PLXNA4: variants seen among roughly 807,000 people sequenced by gnomAD.
The protein encoded by PLXNA4 is plexin-A4.
A neutral mutation model predicts 191.8 loss-of-function variants in PLXNA4; 44 were observed. The observed-to-expected ratio is 0.23, with a 90% CI of 0.18 to 0.29. The LOEUF is 0.29. Ranked by LOEUF, PLXNA4 falls within the 10% of genes least tolerant of loss-of-function variation. The probability of loss-of-function intolerance (pLI) is 1.00; values close to 1 mark genes in which losing one functional copy is unlikely to be tolerated. For missense variants in PLXNA4, 1,800 were observed against 2,488.8 expected (o/e 0.72, Z 5.89); for synonymous variants, 1,082 against 1,009.5 (o/e 1.07, Z -1.36).
At chr7:132,242,044 T>C (rs934235552) in intron 4 of PLXNA4, among the ~76,000 whole-genome samples, 2 of 152,238 alleles carry the variant, frequency 1.3e-5, no homozygotes, top group Non-Finnish European at 2.9e-5. Context: ...ACTTGCTACA[T>C]AGTAGGTATT....
At chr7:132,551,875 C>T (rs188602398) in intron 1 of PLXNA4, among the ~76,000 whole-genome samples, 9 of 152,178 alleles carry the variant, frequency 5.9e-5, no homozygotes, top group Admixed American at 2.6e-4. Context: ...TTTTAAAAAG[C>T]GGTGTCACTC....
chr7:132,175,031 G>T, intron 20 of PLXNA4, 111 bp from the exon 21 acceptor site: 1 of 1,484,946 alleles, frequency 6.7e-7, no homozygotes, highest in South Asian at 1.4e-5. Flanking sequence ...ATGAGCAATG[G>T]ACCACGATGG....
intron 3 of PLXNA4, among the ~76,000 whole-genome samples, chr7:132,456,070 G>GGTGGACAT (rs1480643276): frequency 5.3e-5 from 8 of 151,896 alleles, no homozygotes; most frequent in South Asian, 4.2e-4. Context: ...ATGTATTTCT[G>GGTGGACAT]GTGGACATGT....
At chr7:132,385,091 G>A (rs141114970) in intron 3 of PLXNA4, 2 of 1,551,408 alleles carry the variant, frequency 1.3e-6, no homozygotes, top group African/African-American at 2.7e-5. Context: ...TGTATGGCTG[G>A]GGTCACAGGG....
chr7:132,446,265 T>A (rs1026076878), intron 3 of PLXNA4, among the ~76,000 whole-genome samples: 1 of 152,162 alleles, frequency 6.6e-6, no homozygotes, highest in Non-Finnish European at 1.5e-5. Context: ...AATAACAACA[T>A]ACGAACAACA....
chr7:132,380,517 C>T (rs1804850086), intron 3 of PLXNA4, among the ~76,000 whole-genome samples: 1 of 152,032 alleles, frequency 6.6e-6, no homozygotes, highest in African/African-American at 2.4e-5. Flanking sequence ...CTGGTGTGTT[C>T]CTAAAGTATG....
chr7:132,318,876 AAC>A (rs1802054626), intron 3 of PLXNA4, among the ~76,000 whole-genome samples: 2 of 151,292 alleles, frequency 1.3e-5, no homozygotes, highest in African/African-American at 2.4e-5. Flanking sequence ...GCTGGTCTTT[AAC>A]AAGTGTGGAC....
At chr7:132,349,796 A>C (rs2116795824) in intron 3 of PLXNA4, among the ~76,000 whole-genome samples, 1 of 152,246 alleles carries the variant, frequency 6.6e-6, no homozygotes, top group South Asian at 2.1e-4. Flanking sequence ...AAAAAAAATA[A>C]AACTCCAATT....
intron 3 of PLXNA4, among the ~76,000 whole-genome samples, chr7:132,457,694 C>A (rs1796360681): frequency 6.6e-6 from 1 of 152,084 alleles, no homozygotes; most frequent in Non-Finnish European, 1.5e-5. Flanking sequence ...TCTGGTAGGT[C>A]CTAAATGCAA....
At chr7:132,563,145 TTCCTCCTTCTCCTCC>T (rs1801399049) in intron 1 of PLXNA4, among the ~76,000 whole-genome samples, 2 of 20,306 alleles carry the variant, frequency 9.8e-5, no homozygotes, top group African/African-American at 2.0e-4. Context: ...CCTTCTCCTC[TTCCTCCTTCTCCTCC>T]TCCTCCTTCT....
At chr7:132,137,543 C>T (rs913987343) in intron 30 of PLXNA4, among the ~76,000 whole-genome samples, 1 of 152,226 alleles carries the variant, frequency 6.6e-6, no homozygotes, top group Non-Finnish European at 1.5e-5. Flanking sequence ...TAGTTAACTG[C>T]TAATTGGAAA....
chr7:132,420,888 C>CT (rs1563088926), intron 3 of PLXNA4, among the ~76,000 whole-genome samples: 1 of 152,192 alleles, frequency 6.6e-6, no homozygotes, highest in Non-Finnish European at 1.5e-5. Context: ...TGAGATGTGC[C>CT]TTTCACCTTC....
At chr7:132,136,019 T>C (rs568752852) in intron 30 of PLXNA4, among the ~76,000 whole-genome samples, 1 of 151,876 alleles carries the variant, frequency 6.6e-6, no homozygotes, top group African/African-American at 2.4e-5. Context: ...TTGCTGAGAG[T>C]CTACCCTGTT....
At chr7:132,398,959 C>T (rs1380777950) in intron 3 of PLXNA4, among the ~76,000 whole-genome samples, 2 of 152,170 alleles carry the variant, frequency 1.3e-5, no homozygotes, top group East Asian at 3.9e-4. Context: ...GCCTTTGTGG[C>T]TGCCACCTCC....
chr7:132,505,380 T>C (rs778067882), intron 2 of PLXNA4, among the ~76,000 whole-genome samples: 12 of 152,190 alleles, frequency 7.9e-5, no homozygotes, highest in Non-Finnish European at 1.6e-4. Flanking sequence ...TGCAGCTGAT[T>C]TTTCTCCCAA....
chr7:132,213,302 G>A (rs967537701), intron 9 of PLXNA4, among the ~76,000 whole-genome samples: 2 of 152,210 alleles, frequency 1.3e-5, no homozygotes, highest in African/African-American at 4.8e-5. Context: ...GGTGACAGCT[G>A]TACAACAATG....
chr7:132,144,871 C>T (rs1795372451), intron 29 of PLXNA4, among the ~76,000 whole-genome samples: 1 of 152,120 alleles, frequency 6.6e-6, no homozygotes, highest in South Asian at 2.1e-4. Flanking sequence ...TGTTTGTTAA[C>T]TGACTAAGTG....
At chr7:132,240,958 G>T in intron 5 of PLXNA4, 108 bp downstream of exon 5, 1 of 666,250 alleles carries the variant, frequency 1.5e-6, no homozygotes, top group Non-Finnish European at 2.4e-6. Flanking sequence ...AAGAATAGCT[G>T]AGGAGAAAAG....
At chr7:132,179,358 C>T (rs1419102410) in intron 20 of PLXNA4, among the ~76,000 whole-genome samples, 1 of 150,050 alleles carries the variant, frequency 6.7e-6, no homozygotes, top group Non-Finnish European at 1.5e-5. Flanking sequence ...CTGCCCACTG[C>T]TGCCCGGCCT....
Sources: gnomAD v4.1 joint callset for allele counts (sites outside exome capture counted in the v4.1 genomes callset) on GRCh38, gnomAD v4.1.1 for gene constraint, MANE v1.5 for transcripts, NCBI Gene and HGNC (gene_info 2026-07-23, HGNC 2026-07-21) for gene names.